Variants in NRG3 observed in about 807,000 individuals in gnomAD.
The protein encoded by NRG3 is pro-neuregulin-3, membrane-bound isoform.
NRG3 carries 31 observed loss-of-function variants against 66.9 expected under a neutral mutation model. The observed-to-expected ratio is 0.46, with a 90% CI of 0.35 to 0.63. The LOEUF (loss-of-function observed/expected upper bound fraction) is 0.63. NRG3 is among the 20% of genes least tolerant of loss of function. The pLI, the probability that NRG3 is intolerant of heterozygous loss-of-function variation, is 0.00. For missense variants in NRG3, 910 were observed against 878.9 expected (o/e 1.04, Z -0.45); for synonymous variants, 393 against 359.4 (o/e 1.09, Z -1.06).
intron 1 of NRG3, among the ~76,000 whole-genome samples, chr10:82,149,932 A>G (rs538871939): frequency 1.3e-5 from 2 of 152,192 alleles, no homozygotes; most frequent in South Asian, 2.1e-4. Context: ...ACCTTTAACT[A>G]CAGTCCTTAA....
chr10:82,856,756 C>CAAAAAAAAAAAAAAAAAAAAA (rs67224862), intron 3 of NRG3, among the ~76,000 whole-genome samples: 16 of 107,474 alleles, frequency 1.5e-4, no homozygotes, highest in Non-Finnish European at 2.3e-4. Context: ...AAAAAAAAAA[C>CAAAAAAAAAAAAAAAAAAAAA]AAAAAAAAAA....
Position 82,326,314 on chromosome 10 carries a change from T to C in NRG3, c.824-32425T>C, listed in dbSNP as rs530141307. ...TGCAGCTTTTTCTGTTGGTCACTTA[T>C]AAGATTTACAATTTATCACTGGTTT... On this transcript the variant is annotated intron_variant, in intron 1 of 8. Transcript: ENST00000372141. Among the ~76,000 whole-genome samples the C allele has an allele frequency of 1.4e-4, 22 of 152,298 alleles. No homozygotes were observed. The South Asian group carries it at 3.5e-3, about 24-fold the overall frequency.
At chr10:82,232,758 G>A (rs1181913911) in intron 1 of NRG3, 2 of 717,316 alleles carry the variant, frequency 2.8e-6, no homozygotes, top group South Asian at 1.5e-5. Context: ...GAGACAGGAG[G>A]CATGCCATAC....
intron 1 of NRG3, among the ~76,000 whole-genome samples, chr10:82,047,996 CAAAG>C (rs1564768502): frequency 6.6e-6 from 1 of 151,374 alleles, no homozygotes; most frequent in Non-Finnish European, 1.5e-5. Flanking sequence ...TCAAAAGAGA[CAAAG>C]AAGGCCATTA....
chr10:82,088,906 G>A (rs1428273040), intron 1 of NRG3, among the ~76,000 whole-genome samples: 1 of 151,960 alleles, frequency 6.6e-6, no homozygotes, highest in Non-Finnish European at 1.5e-5. Context: ...CCTTCACATC[G>A]TTGTACCTTT....
intron 2 of NRG3, among the ~76,000 whole-genome samples, chr10:82,674,937 A>ATATTTATTTATT (rs57484788): frequency 0.027 from 3,851 of 143,660 alleles, 184 homozygotes; most frequent in African/African-American, 0.091. Context: ...GGTTTTATTT[A>ATATTTATTTATT]TATTTATTTA....
At chr10:82,764,216 G>T (rs1001899658) in intron 3 of NRG3, among the ~76,000 whole-genome samples, 1 of 151,308 alleles carries the variant, frequency 6.6e-6, no homozygotes, top group Admixed American at 6.6e-5. Flanking sequence ...TGTACTTTTA[G>T]TGGAGATGGG....
In NRG3 at chr10:82,647,779, T is replaced by G. The variant is rs548983680; in HGVS notation, c.954-90798T>G. 2.2e-4 allele frequency among the ~76,000 whole-genome samples: 34 copies of G among 152,254 alleles called. No individual in the cohort carries two copies. The South Asian group carries it at 3.1e-3, about 14-fold the overall frequency. On this transcript the variant is annotated intron_variant, in intron 2 of 8. Transcript: ENST00000372141. ...GTGATGGTGAGCATTTTTTCATGTGTTTTTTGGCTGCATAATTGTCTTCTT... is the reference window on the plus strand; with the variant it reads ...GTGATGGTGAGCATTTTTTCATGTGGTTTTTGGCTGCATAATTGTCTTCTT...
At chr10:82,121,656 G>A (rs2068099324) in intron 1 of NRG3, among the ~76,000 whole-genome samples, 1 of 151,914 alleles carries the variant, frequency 6.6e-6, no homozygotes, top group African/African-American at 2.4e-5. Context: ...ATTTTGTTTT[G>A]TTTTTGAGAC....
At chr10:82,937,627 A>G (rs1848209950) in intron 4 of NRG3, among the ~76,000 whole-genome samples, 1 of 152,230 alleles carries the variant, frequency 6.6e-6, no homozygotes, top group Admixed American at 6.5e-5. Flanking sequence ...TTACGGAAGC[A>G]GGGAATTTAT....
rs1408184966 is a variant in NRG3, at chr10:81,967,809, T to G, written c.823+91646T>G. On this transcript the variant is annotated intron_variant, in intron 1 of 8. Transcript: ENST00000372141. ...CATTTCCTATTCTTTCTACAATTTC[T>G]GAGCCATTTTATATGTCTCTTTTGA... Among the ~76,000 whole-genome samples the G allele has an allele frequency of 2.0e-5, 3 of 152,320 alleles. No individual in the cohort carries two copies. The East Asian group carries it at 5.8e-4, about 29-fold the overall frequency.
chr10:82,442,628 T>C (rs922101950), intron 2 of NRG3, among the ~76,000 whole-genome samples: 1 of 152,066 alleles, frequency 6.6e-6, no homozygotes, highest in Non-Finnish European at 1.5e-5. Flanking sequence ...CCCTTCTGCT[T>C]CTGCTTTACT....
At chr10:82,029,929 T>A (rs1027004662) in intron 1 of NRG3, among the ~76,000 whole-genome samples, 6 of 152,060 alleles carry the variant, frequency 3.9e-5, no homozygotes, top group Non-Finnish European at 7.4e-5. Context: ...AATAATAGAA[T>A]CACCTAAAGT....
intron 1 of NRG3, among the ~76,000 whole-genome samples, chr10:82,159,206 T>C (rs1008770619): frequency 6.6e-6 from 1 of 151,914 alleles, no homozygotes; most frequent in African/African-American, 2.4e-5. Flanking sequence ...GGTTCAATGA[T>C]GTATATGCAA....
chr10:82,120,463 A>G (rs558583189), intron 1 of NRG3, among the ~76,000 whole-genome samples: 3 of 152,218 alleles, frequency 2.0e-5, no homozygotes, highest in East Asian at 1.9e-4. Flanking sequence ...TAATGAGCTT[A>G]TTAACCCAGG....
At chr10:82,546,086 A>G (rs760466597) in intron 2 of NRG3, among the ~76,000 whole-genome samples, 2 of 152,134 alleles carry the variant, frequency 1.3e-5, no homozygotes, top group Non-Finnish European at 2.9e-5. Context: ...TCAACTTTTA[A>G]ACTTCATTCC....
chr10:82,113,120 G>A (rs781392271), intron 1 of NRG3, among the ~76,000 whole-genome samples: 1 of 152,268 alleles, frequency 6.6e-6, no homozygotes, highest in African/African-American at 2.4e-5. Context: ...GGATTGTAAG[G>A]CATTCGGGAA....
At chr10:82,384,404 A>C (rs982287686) in intron 2 of NRG3, among the ~76,000 whole-genome samples, 2 of 152,110 alleles carry the variant, frequency 1.3e-5, no homozygotes, top group African/African-American at 4.8e-5. Context: ...TCCATTAGCT[A>C]TTCTTCCTGA....
At chr10:82,306,792 C>CA (rs1564775293) in intron 1 of NRG3, among the ~76,000 whole-genome samples, 3 of 143,292 alleles carry the variant, frequency 2.1e-5, no homozygotes, top group Admixed American at 1.4e-4. Context: ...TTTGATGGGA[C>CA]AGGGAAGGGT....
Sources: allele counts gnomAD v4.1 joint callset (sites outside exome capture counted in the v4.1 genomes callset), GRCh38; gene constraint gnomAD v4.1.1; transcripts MANE v1.5; gene names NCBI Gene and HGNC (gene_info 2026-07-23, HGNC 2026-07-21).